PPP2R2D: variants seen among roughly 807,000 people sequenced by gnomAD.
PPP2R2D encodes the protein serine/threonine-protein phosphatase 2A 55 kDa regulatory subunit B delta isoform.
A neutral mutation model predicts 31.1 loss-of-function variants in PPP2R2D; 9 were observed. The ratio of observed to expected loss-of-function variants is 0.29; its 90% CI spans 0.17 to 0.51. The LOEUF is 0.51. Ranked by LOEUF, PPP2R2D falls within the 20% of genes least tolerant of loss-of-function variation. The pLI, the probability that PPP2R2D is intolerant of heterozygous loss-of-function variation, is 0.98. For synonymous variants in PPP2R2D, 179 were observed against 172.6 expected, an observed-to-expected ratio of 1.04 and a Z score of -0.29; for missense variants, 391 against 465.6, an observed-to-expected ratio of 0.84 and a Z score of 1.48.
At chr10:131,935,618 GA>G (rs1554896383) in intron 3 of PPP2R2D, among the ~76,000 whole-genome samples, 2 of 152,182 alleles carry the variant, frequency 1.3e-5, no homozygotes, top group African/African-American at 4.8e-5. Flanking sequence ...GGTAGTTAAA[GA>G]TTTTTTTAAA....
chr10:131,965,628 TAG>T, the PPP2R2D span, among the ~76,000 whole-genome samples: 2 of 152,138 alleles, frequency 1.3e-5, no homozygotes, highest in African/African-American at 4.8e-5. Context: ...TGTATTTTAG[TAG>T]AGACGGGGTT....
At chr10:131,968,288 A>G in the PPP2R2D span, 33 of 354,194 alleles carry the variant, frequency 9.3e-5, no homozygotes, top group Non-Finnish European at 1.5e-4. Context: ...TTTACTACCA[A>G]ATTTTCACAG....
At position 131,955,759 on chromosome 10, in the gene PPP2R2D, G is replaced by A. The variant is rs1554899795; in HGVS notation, c.1158G>A (p.Glu386=). 1.3e-6 allele frequency: 2 copies of A among 1,573,432 alleles called. No homozygotes were observed. The highest frequency in any genetic ancestry group is 4.7e-5 in the East Asian group (2 of 42,968). The change falls in exon 9 of 9, where the codon GAG becomes GAA. Residue 386 remains glutamate (E), a synonymous_variant. Transcript: ENST00000455566. The stretch of plus-strand genomic sequence containing the variant: ...ACACGCGGAGGGATGTGACCCTGGA[G>A]GCCTCGAGAGAGAGCAGCAAACCGC... ...DRDTRRDVTL[E]ASRESSKPRA...
Position 131,956,316 on chromosome 10 carries a change from CT to C in PPP2R2D, c.*356del. The C allele has an allele frequency of 1.0e-6, 1 of 998,638 alleles. No individual in the cohort carries two copies. Among genetic ancestry groups the C allele is most frequent in the Non-Finnish European group, 1.2e-6 (1 of 839,012 alleles). The allele number at this position is 998,638 out of a possible 1,614,324, so 61.9% of individuals were successfully genotyped here. ...AGAAAAGTTATTGTCAGATACCGCT[CT>C]TTCTCCAACTTTCCCTCTTTCTCTG... On this transcript the variant is annotated 3_prime_UTR_variant, in exon 9 of 9. Coordinates refer to ENST00000455566, the MANE Select transcript of PPP2R2D (RefSeq NM_018461.5).
chr10:131,921,637 A>G (rs528280941), intron 2 of PPP2R2D, among the ~76,000 whole-genome samples: 2 of 152,206 alleles, frequency 1.3e-5, no homozygotes, highest in South Asian at 4.1e-4. Flanking sequence ...TCAAAACAGC[A>G]TGGTTGGATT....
intron 8 of PPP2R2D, among the ~76,000 whole-genome samples, chr10:131,953,669 CG>C (rs1237750595): frequency 1.1e-4 from 10 of 90,778 alleles, no homozygotes; most frequent in Non-Finnish European, 1.8e-4. Flanking sequence ...TCCAAGTGTG[CG>C]GGGGGTTCAC....
chr10:131,936,981 G>A (rs1021559462), intron 3 of PPP2R2D, among the ~76,000 whole-genome samples: 3 of 152,254 alleles, frequency 2.0e-5, no homozygotes. Flanking sequence ...GCCGGAGGCC[G>A]CGGATGGTGT....
intron 2 of PPP2R2D, chr10:131,912,598 TG>T (rs2035702438): frequency 6.6e-6 from 1 of 152,364 alleles, no homozygotes; most frequent in Non-Finnish European, 1.5e-5. Flanking sequence ...CCCCTTGAAA[TG>T]TAAGTACTAC....
chr10:131,954,268 C>T (rs1465261926), intron 8 of PPP2R2D, among the ~76,000 whole-genome samples: 1 of 152,248 alleles, frequency 6.6e-6, no homozygotes, highest in Non-Finnish European at 1.5e-5. Context: ...TTACCATGCA[C>T]CAGCAATTCC....
At chr10:131,919,949 G>A (rs1442885731) in intron 2 of PPP2R2D, among the ~76,000 whole-genome samples, 19 of 150,074 alleles carry the variant, frequency 1.3e-4, no homozygotes, top group African/African-American at 4.4e-4. Flanking sequence ...GACCTCACAC[G>A]GGTGGAATGA....
In PPP2R2D at chr10:131,959,501, A is replaced by T. The variant is rs1220183529; in HGVS notation, c.*3538A>T. The T allele has an allele frequency of 6.6e-6, 1 of 151,606 alleles. No individual in the cohort carries two copies. Among genetic ancestry groups the T allele is most frequent in the Non-Finnish European group, 1.4e-5 (1 of 70,426 alleles). 9.4% of individuals were successfully genotyped at this position (151,606 alleles called of 1,614,324 possible). A position where few individuals can be genotyped will look rare whatever the true frequency, so the allele number is the denominator to read the frequency against. On this transcript the variant is annotated 3_prime_UTR_variant, in exon 9 of 9. Transcript: ENST00000455566. ...AGATGAAGGTGTGTGTTGATCCCCC[A>T]TCCCCCTGTGGAGGTGAAGGTGTGT...
chr10:131,948,297 T>C (rs1554898344), intron 8 of PPP2R2D, among the ~76,000 whole-genome samples: 1 of 152,192 alleles, frequency 6.6e-6, no homozygotes, highest in Non-Finnish European at 1.5e-5. Context: ...ATTTATTTTG[T>C]ATACATTCTT....
At chr10:131,915,122 G>A (rs1269098852) in intron 2 of PPP2R2D, among the ~76,000 whole-genome samples, 1 of 151,382 alleles carries the variant, frequency 6.6e-6, no homozygotes, top group African/African-American at 2.4e-5. Context: ...TTCTGTTCCA[G>A]AATCTAGAAT....
At chr10:131,966,315 CTT>C in the PPP2R2D span, 19 of 152,294 alleles carry the variant, frequency 1.2e-4, no homozygotes, top group African/African-American at 2.9e-4. Flanking sequence ...ATTTTATAAA[CTT>C]AATGATTAAA....
downstream of PPP2R2D, among the ~76,000 whole-genome samples, chr10:131,961,418 A>G (rs116763014): frequency 0.027 from 4,060 of 151,816 alleles, 101 homozygotes; most frequent in East Asian, 0.066. Context: ...GTGGGTGGCA[A>G]CCCCTCCTAA....
At position 131,917,340 on chromosome 10, in the gene PPP2R2D, G is replaced by C. The variant is rs548860399; in HGVS notation, c.100+16010G>C. Among the ~76,000 whole-genome samples the C allele has an allele frequency of 5.4e-5, 7 of 129,884 alleles. No homozygotes were observed. In the South Asian group the frequency reaches 1.9e-3, roughly 36 times the overall value. 85.2% of individuals were successfully genotyped at this position (129,884 alleles called of 152,430 possible). ...ACAGTGTAGGGACCTCAGGCGGGTG[G>C]GATGACACAGTGTAGGGACCTCACG... On this transcript the variant is annotated intron_variant, in intron 2 of 8. Transcript: ENST00000455566.
At chr10:131,948,513 A>G (rs1358464455) in intron 8 of PPP2R2D, among the ~76,000 whole-genome samples, 2 of 152,236 alleles carry the variant, frequency 1.3e-5, no homozygotes, top group Non-Finnish European at 2.9e-5. Context: ...GAAATGCTGG[A>G]TATGATACAG....
chr10:131,960,999 C>T (rs995417973), downstream of PPP2R2D, among the ~76,000 whole-genome samples: 3 of 152,060 alleles, frequency 2.0e-5, no homozygotes, highest in Non-Finnish European at 4.4e-5. Flanking sequence ...GCTGTCCTGT[C>T]GTTGCTGTGC....
At chr10:131,970,923 C>G in the PPP2R2D span, 1 of 1,614,248 alleles carries the variant, frequency 6.2e-7, no homozygotes, top group Non-Finnish European at 8.5e-7. This position sits in a 1 kb window ranked among gnomAD's most constrained non-coding sequence, Gnocchi z 4.1. Flanking sequence ...AGTTTTTCTT[C>G]AAGATGCTTT....
Sources: allele counts gnomAD v4.1 joint callset (sites outside exome capture counted in the v4.1 genomes callset), GRCh38; gene constraint gnomAD v4.1.1; non-coding constraint Gnocchi (gnomAD v3.1); transcripts MANE v1.5; gene names NCBI Gene and HGNC (gene_info 2026-07-23, HGNC 2026-07-21).